The following SAMD5 variants were observed in gnomAD, a reference collection of about 807,000 sequenced individuals.
SAMD5 encodes sterile alpha motif domain-containing protein 5.
Under a neutral mutation model 11.3 loss-of-function variants are expected in SAMD5, and 13 were observed. That is an observed-to-expected ratio of 1.15 (90% CI 0.75 to 1.83). The LOEUF (loss-of-function observed/expected upper bound fraction) is 1.83, where lower values mean the gene tolerates loss of function less well. Among genes scored for constraint, SAMD5 ranks in the 40% most tolerant of loss-of-function variants. SAMD5 has a pLI of 0.00. For missense variants in SAMD5, 255 were observed against 239.1 expected (o/e 1.07, Z -0.44); for synonymous variants, 129 against 111.3 (o/e 1.16, Z -1.00).
the SAMD5 span, among the ~76,000 whole-genome samples, chr6:147,822,488 A>G: frequency 9.8e-4 from 149 of 152,324 alleles, no homozygotes; most frequent in African/African-American, 3.4e-3. Flanking sequence ...CTATAAATTA[A>G]GTATATAGAC....
the SAMD5 span, among the ~76,000 whole-genome samples, chr6:147,839,508 G>A: frequency 6.6e-6 from 1 of 152,162 alleles, no homozygotes; most frequent in Non-Finnish European, 1.5e-5. Context: ...CAGCATTTTG[G>A]GGGGGCTGAG....
chr6:147,626,316 T>C (rs1790049503), intron 1 of SAMD5, among the ~76,000 whole-genome samples: 1 of 152,044 alleles, frequency 6.6e-6, no homozygotes, highest in Non-Finnish European at 1.5e-5. Context: ...TTAAAACAAT[T>C]ATAGTCTAAT....
the SAMD5 span, among the ~76,000 whole-genome samples, chr6:147,823,284 C>T: frequency 6.6e-6 from 1 of 152,080 alleles, no homozygotes; most frequent in Non-Finnish European, 1.5e-5. Flanking sequence ...CTGTAGTAAG[C>T]TTTGGGAGAC....
At chr6:147,647,090 C>T (rs565536574) in intron 1 of SAMD5, among the ~76,000 whole-genome samples, 15 of 151,892 alleles carry the variant, frequency 9.9e-5, no homozygotes, top group African/African-American at 3.1e-4. Flanking sequence ...TTGCTTGAAC[C>T]TGGGAGGTGG....
At chr6:147,846,266 C>T in the SAMD5 span, among the ~76,000 whole-genome samples, 3 of 152,172 alleles carry the variant, frequency 2.0e-5, no homozygotes, top group South Asian at 6.2e-4. Context: ...CAAGGAAACT[C>T]GAACTGAAGG....
the SAMD5 span, among the ~76,000 whole-genome samples, chr6:147,828,741 G>GTCTGTCCTATTAGT: frequency 1.3e-5 from 2 of 152,110 alleles, no homozygotes; most frequent in South Asian, 4.1e-4. Context: ...TTATATGTAC[G>GTCTGTCCTATTAGT]TCTGTCCTAT....
At chr6:147,929,114 A>G in the SAMD5 span, among the ~76,000 whole-genome samples, 44 of 152,256 alleles carry the variant, frequency 2.9e-4, no homozygotes, top group African/African-American at 9.9e-4. Context: ...TGCATTCAAC[A>G]TATGTGTCAC....
chr6:147,653,784 G>A (rs554727936), intron 1 of SAMD5, among the ~76,000 whole-genome samples: 7 of 151,942 alleles, frequency 4.6e-5, no homozygotes, highest in East Asian at 1.9e-4. Context: ...TTTCTGTTTC[G>A]ATATGAAGCT....
chr6:147,839,413 G>A, the SAMD5 span, among the ~76,000 whole-genome samples: 3 of 152,262 alleles, frequency 2.0e-5, no homozygotes, highest in East Asian at 1.9e-4. Flanking sequence ...GCATATCAGA[G>A]TGTTATATTT....
chr6:147,783,886 G>C, the SAMD5 span, among the ~76,000 whole-genome samples: 2 of 152,106 alleles, frequency 1.3e-5, no homozygotes, highest in Non-Finnish European at 2.9e-5. Context: ...GCATCTTAGT[G>C]GATTAAGAGG....
At chr6:147,673,483 G>A (rs1227579096) in intron 1 of SAMD5, among the ~76,000 whole-genome samples, 6 of 152,062 alleles carry the variant, frequency 3.9e-5, no homozygotes, top group Non-Finnish European at 8.8e-5. Flanking sequence ...GAAATGCTGG[G>A]ATTACAGGTG....
chr6:147,948,152 C>G, the SAMD5 span, among the ~76,000 whole-genome samples: 1 of 151,906 alleles, frequency 6.6e-6, no homozygotes, highest in African/African-American at 2.4e-5. Flanking sequence ...CATTATTTTA[C>G]TGATTCCTTC....
chr6:147,623,644 A>G (rs1465022835), intron 1 of SAMD5, among the ~76,000 whole-genome samples: 7 of 152,212 alleles, frequency 4.6e-5, no homozygotes, highest in African/African-American at 1.2e-4. Flanking sequence ...CTAAAAACAA[A>G]GTATATTGCA....
chr6:147,668,083 A>C (rs1790746514), intron 1 of SAMD5, among the ~76,000 whole-genome samples: 1 of 152,180 alleles, frequency 6.6e-6, no homozygotes, highest in African/African-American at 2.4e-5. Flanking sequence ...AAAATCTCAA[A>C]TTCATACTAA....
intron 1 of SAMD5, 147 bp downstream of exon 1, chr6:147,509,534 T>C: frequency 1.6e-6 from 1 of 620,164 alleles, no homozygotes. Context: ...CTATGTTCTT[T>C]CTGTATTAGC....
At chr6:147,527,572 T>A (rs969678930) in intron 1 of SAMD5, among the ~76,000 whole-genome samples, 12 of 151,944 alleles carry the variant, frequency 7.9e-5, no homozygotes, top group Non-Finnish European at 1.5e-5. Context: ...ACCATATCAT[T>A]TGGCCCCTGA....
intron 1 of SAMD5, among the ~76,000 whole-genome samples, chr6:147,628,527 G>A (rs1346185419): frequency 1.3e-5 from 2 of 152,160 alleles, no homozygotes; most frequent in Non-Finnish European, 2.9e-5. Context: ...TGATAGGGAG[G>A]GAAAGGTCAG....
Position 147,594,403 on chromosome 6 carries a change from G to A in SAMD5, c.162+85016G>A, listed in dbSNP as rs1475948131. On this transcript the variant is annotated intron_variant, in intron 1 of 1. Transcript: ENST00000566741. ...GAGCAGAGAAGATTGAAGGTAAAAT[G>A]AGACTATAACTAAGTTCACGGATAA... is the stretch of plus-strand genomic sequence containing the variant. Among the ~76,000 whole-genome samples, 3 of 152,250 alleles carry A rather than the reference G, an allele frequency of 2.0e-5. No individual in the cohort carries two copies. In the South Asian group the frequency reaches 6.2e-4, roughly 32 times the overall value.
At chr6:147,576,289 C>T (rs908471771) in intron 1 of SAMD5, among the ~76,000 whole-genome samples, 3 of 151,958 alleles carry the variant, frequency 2.0e-5, no homozygotes, top group African/African-American at 7.3e-5. Context: ...TACAGGCGTG[C>T]ACCACCATGC....
Sources: allele counts gnomAD v4.1 joint callset (sites outside exome capture counted in the v4.1 genomes callset), GRCh38; gene constraint gnomAD v4.1.1; transcripts MANE v1.5; gene names NCBI Gene and HGNC (gene_info 2026-07-23, HGNC 2026-07-21).